The following CDK13 variants were observed in gnomAD, a reference collection of about 807,000 sequenced individuals.
CDK13 encodes the protein cyclin dependent kinase 13.
In CDK13, 40 loss-of-function variants were observed where a neutral mutation model predicts 137.6. The ratio of observed to expected loss-of-function variants is 0.29; its 90% confidence interval spans 0.23 to 0.38. CDK13 has a LOEUF of 0.38. CDK13 is among the 10% of genes least tolerant of loss of function. CDK13 has a pLI of 1.00. For synonymous variants in CDK13, 869 were observed against 760.1 expected (o/e 1.14, Z -2.36); for missense variants, 1,704 against 1,951.8 (o/e 0.87, Z 2.39).
rs1439465836 is a variant in CDK13 at position 40,096,385 on chromosome 7, C to A, written c.*1405C>A. 10 of 151,840 alleles carry A rather than the reference C, an allele frequency of 6.6e-5. No individual in the cohort carries two copies. 9.4% of individuals were successfully genotyped at this position (151,840 alleles called of 1,614,324 possible). A position where few individuals can be genotyped will look rare whatever the true frequency, so the allele number is the denominator to read the frequency against. On this transcript the variant is annotated 3_prime_UTR_variant, in exon 14 of 14. Coordinates refer to ENST00000181839, the MANE Select transcript of CDK13 (RefSeq NM_003718.5). ...GAAGAGCATCAAAGAATGGAGTAGTCCTTATTTAAACTGTAATGGTGTCAA... is the reference window on the plus strand; with the variant it reads ...GAAGAGCATCAAAGAATGGAGTAGTACTTATTTAAACTGTAATGGTGTCAA...
chr7:39,950,513 G>C lies in CDK13; in HGVS notation c.-129G>C. On this transcript the variant is annotated 5_prime_UTR_variant, in exon 1 of 14. Coordinates refer to ENST00000181839, the MANE Select transcript of CDK13 (RefSeq NM_003718.5). ...GAGTCCCGACCCGGATTATCGTGGCGCTTTTCCCGGCCGGCTCTGGTGCTC... is the reference window on the plus strand; with the variant it reads ...GAGTCCCGACCCGGATTATCGTGGCCCTTTTCCCGGCCGGCTCTGGTGCTC... 7.9e-7 allele frequency: 1 copy of C among 1,266,796 alleles called. No homozygotes were observed. The highest frequency in any genetic ancestry group is 9.9e-7 in the Non-Finnish European group (1 of 1,007,124). The allele number at this position is 1,266,796 out of a possible 1,614,324, so 78.5% of individuals were successfully genotyped here. A position where few individuals can be genotyped will look rare whatever the true frequency, so the allele number is the denominator to read the frequency against.
intron 1 of CDK13, among the ~76,000 whole-genome samples, chr7:39,956,642 T>C (rs1787417027): frequency 6.6e-6 from 1 of 152,146 alleles, no homozygotes; most frequent in African/African-American, 2.4e-5. Context: ...TGGAGTGCAG[T>C]GATGATGTGA....
At chr7:40,037,826 A>G (rs1346261571) in intron 5 of CDK13, among the ~76,000 whole-genome samples, 1 of 152,224 alleles carries the variant, frequency 6.6e-6, no homozygotes. Context: ...TAATTACTAA[A>G]AAGACTACTG....
At chr7:39,979,094 A>G (rs10275367) in intron 1 of CDK13, among the ~76,000 whole-genome samples, 17,650 of 152,134 alleles carry the variant, frequency 0.12, 3,398 homozygotes, top group African/African-American at 0.4. Context: ...AATTTGGGAC[A>G]TGTAATAATC....
intron 5 of CDK13, among the ~76,000 whole-genome samples, chr7:40,028,617 T>C (rs764779648): frequency 6.6e-6 from 1 of 152,130 alleles, no homozygotes; most frequent in Non-Finnish European, 1.5e-5. Flanking sequence ...AACACAATTA[T>C]TTATTCCCCT....
Position 39,950,647 on chromosome 7 carries a change from G to C in CDK13, c.6G>C (p.Pro2=). The change falls in exon 1 of 14, where the codon CCG becomes CCC. Residue 2 remains proline (P), a synonymous_variant. Transcript: ENST00000181839. M[P]SSSDTALGGG... ...TCTGCGGCTGGCTCTAGGCGATGCCGAGCAGCTCGGACACGGCGCTGGGGG... is the reference window on the plus strand; with the variant it reads ...TCTGCGGCTGGCTCTAGGCGATGCCCAGCAGCTCGGACACGGCGCTGGGGG... 7.5e-7 allele frequency: 1 copy of C among 1,335,824 alleles called. No individual in the cohort carries two copies. Among genetic ancestry groups the C allele is most frequent in the Non-Finnish European group, 9.6e-7 (1 of 1,045,986 alleles). 82.7% of individuals were successfully genotyped at this position (1,335,824 alleles called of 1,614,324 possible). A position where few individuals can be genotyped will look rare whatever the true frequency, so the allele number is the denominator to read the frequency against.
In CDK13 at chr7:39,997,342, T is replaced by C; in HGVS notation, c.1872-152T>C. The stretch of plus-strand genomic sequence containing the variant: ...CATTATACAGTTGAGTATAGTGTAT[T>C]ACTTTAGCTGGAAAGAAACTTGGAC... On this transcript the variant is annotated intron_variant, in intron 2 of 13. Transcript: ENST00000181839. The C allele has an allele frequency of 1.2e-5, 8 of 654,080 alleles. No homozygotes were observed. The South Asian group carries it at 1.3e-4, about 11-fold the overall frequency. 40.5% of individuals were successfully genotyped at this position (654,080 alleles called of 1,614,324 possible).
intron 5 of CDK13, among the ~76,000 whole-genome samples, chr7:40,021,719 C>A (rs918058120): frequency 1.3e-5 from 2 of 151,638 alleles, no homozygotes; most frequent in Admixed American, 6.6e-5. Context: ...TAGAAATATT[C>A]AGTTAATCAT....
chr7:40,077,231 A>C (rs1786565558), intron 9 of CDK13, among the ~76,000 whole-genome samples: 2 of 152,222 alleles, frequency 1.3e-5, no homozygotes, highest in Admixed American at 1.3e-4. Flanking sequence ...GGCAGTTAGC[A>C]GTAGTCTTTA....
At chr7:40,000,554 C>G (rs1444507393) in intron 4 of CDK13, among the ~76,000 whole-genome samples, 2 of 151,960 alleles carry the variant, frequency 1.3e-5, no homozygotes, top group Admixed American at 6.6e-5. Context: ...AAGAAAGAAA[C>G]AAATAGATTA....
rs1020399663 is a variant in CDK13, at chr7:40,099,351, A to G, written c.*4371A>G. ...CAGCCTGTCAAATGTGCAATTAAAA[A>G]TGAATTTTCTAATTGTATTCAAATG... On this transcript the variant is annotated 3_prime_UTR_variant, in exon 14 of 14. Coordinates refer to ENST00000181839, the MANE Select transcript of CDK13 (RefSeq NM_003718.5). 6 of 152,220 alleles carry G rather than the reference A, an allele frequency of 3.9e-5. No individual in the cohort carries two copies. The South Asian group carries it at 1.2e-3, about 31-fold the overall frequency. 9.4% of individuals were successfully genotyped at this position (152,220 alleles called of 1,614,324 possible).
chr7:40,068,277 A>G (rs1033236663), intron 9 of CDK13, among the ~76,000 whole-genome samples: 5 of 151,960 alleles, frequency 3.3e-5, no homozygotes, highest in African/African-American at 1.2e-4. Context: ...TGAATGAAGA[A>G]ATGGCAAAGT....
At chr7:40,074,841 T>A (rs952516385) in intron 9 of CDK13, among the ~76,000 whole-genome samples, 21 of 147,384 alleles carry the variant, frequency 1.4e-4, no homozygotes, top group African/African-American at 5.0e-4. Flanking sequence ...AAAAACAAAA[T>A]ATTTAAAAAA....
intron 7 of CDK13, among the ~76,000 whole-genome samples, chr7:40,052,644 A>G (rs1364212366): frequency 6.6e-6 from 1 of 152,196 alleles, no homozygotes; most frequent in Non-Finnish European, 1.5e-5. Context: ...CCCAAAACGC[A>G]CACACCTTTT....
At chr7:40,089,944 C>T (rs376842251) in intron 12 of CDK13, among the ~76,000 whole-genome samples, 4 of 152,168 alleles carry the variant, frequency 2.6e-5, no homozygotes, top group African/African-American at 7.2e-5. Context: ...ATGTAGTCTA[C>T]AAGCTTCTAC....
intron 5 of CDK13, among the ~76,000 whole-genome samples, chr7:40,031,080 C>T (rs1021751891): frequency 1.1e-4 from 16 of 152,154 alleles, no homozygotes; most frequent in Non-Finnish European, 2.1e-4. Context: ...AAACTGTCTT[C>T]CGTAGTGTCT....
chr7:40,031,607 C>A (rs890115140), intron 5 of CDK13, among the ~76,000 whole-genome samples: 6 of 151,970 alleles, frequency 3.9e-5, no homozygotes, highest in African/African-American at 1.4e-4. Context: ...GATGTCTGTT[C>A]AAATGTTTTG....
chr7:40,050,451 G>A (rs1189599738), intron 7 of CDK13, among the ~76,000 whole-genome samples: 1 of 152,152 alleles, frequency 6.6e-6, no homozygotes, highest in African/African-American at 2.4e-5. Context: ...GAGTGCAGTG[G>A]CGTGATCTCA....
At position 40,007,257 on chromosome 7, in the gene CDK13, T is replaced by C. The variant is rs73390795; in HGVS notation, c.2353+5226T>C. Among the ~76,000 whole-genome samples, 949 of 152,358 alleles carry C rather than the reference T, an allele frequency of 6.2e-3. 13 individuals carry two copies. Among genetic ancestry groups the C allele is most frequent in the African/African-American group, 0.021 (876 of 41,584 alleles). On this transcript the variant is annotated intron_variant, in intron 5 of 13. Coordinates refer to ENST00000181839, the MANE Select transcript of CDK13 (RefSeq NM_003718.5). ...TAAAAATCAAGAAGACAGTATTCTA[T>C]AGCAAATGCTTGTGGCAACATGTCA...
Sources: allele counts gnomAD v4.1 joint callset (sites outside exome capture counted in the v4.1 genomes callset), GRCh38; gene constraint gnomAD v4.1.1; transcripts MANE v1.5; gene names NCBI Gene and HGNC (gene_info 2026-07-23, HGNC 2026-07-21).